PKP2: variants seen among roughly 807,000 people sequenced by gnomAD.
PKP2 encodes the protein plakophilin 2.
PKP2 carries 73 observed loss-of-function variants against 83.4 expected under a neutral mutation model. The ratio of observed to expected loss-of-function variants is 0.88; its 90% CI spans 0.72 to 1.06. PKP2 has a LOEUF of 1.06. Among genes scored for constraint, PKP2 ranks in the 50% least tolerant of loss-of-function variants. The pLI, the probability that PKP2 is intolerant of heterozygous loss-of-function variation, is 0.00. For synonymous variants in PKP2, 409 were observed against 430.4 expected (o/e 0.95, Z 0.62); for missense variants, 966 against 1,065.4 (o/e 0.91, Z 1.30).
chr12:32,841,502 C>T (rs911000023), intron 5 of PKP2, among the ~76,000 whole-genome samples: 2 of 152,160 alleles, frequency 1.3e-5, no homozygotes, highest in African/African-American at 4.8e-5. Context: ...GCTGTTTCTC[C>T]TAAAGGGCCC....
At chr12:32,802,260 CACA>C in intron 10 of PKP2, 140 bp downstream of exon 10, 1 of 823,700 alleles carries the variant, frequency 1.2e-6, no homozygotes, top group Non-Finnish European at 2.1e-6. Flanking sequence ...TATCTGGTGG[CACA>C]AAAGGCAGGC....
At chr12:32,814,058 C>A (rs1010646946) in intron 9 of PKP2, among the ~76,000 whole-genome samples, 1 of 152,164 alleles carries the variant, frequency 6.6e-6, no homozygotes, top group East Asian at 1.9e-4. Context: ...GGACACCACT[C>A]CTGTATCCTG....
chr12:32,837,151 T>C (rs1026032134), intron 6 of PKP2, among the ~76,000 whole-genome samples: 4 of 152,188 alleles, frequency 2.6e-5, no homozygotes, highest in African/African-American at 9.7e-5. Flanking sequence ...TGTCTGTAAA[T>C]TGGCAATATC....
At chr12:32,887,393 T>C (rs926078827) in intron 1 of PKP2, among the ~76,000 whole-genome samples, 5 of 152,186 alleles carry the variant, frequency 3.3e-5, no homozygotes, top group African/African-American at 7.2e-5. Context: ...TTTATGACAT[T>C]TGGGGGGCAA....
chr12:32,873,891 A>G (rs1030678901), intron 3 of PKP2, among the ~76,000 whole-genome samples: 1 of 152,198 alleles, frequency 6.6e-6, no homozygotes, highest in Non-Finnish European at 1.5e-5. Flanking sequence ...ACTCATTTGC[A>G]GAACCATCAG....
At chr12:32,805,862 G>A (rs1232962210) in intron 9 of PKP2, among the ~76,000 whole-genome samples, 1 of 152,276 alleles carries the variant, frequency 6.6e-6, no homozygotes, top group East Asian at 1.9e-4. Flanking sequence ...GTAGTCTAAC[G>A]GGGATAGCAT....
chr12:32,802,343 T>C, intron 10 of PKP2, 60 bp downstream of exon 10: 4 of 1,529,802 alleles, frequency 2.6e-6, no homozygotes, highest in Non-Finnish European at 2.7e-6. Context: ...ACAGACAACA[T>C]TTCATTGCAT....
At position 32,826,846 on chromosome 12, in the gene PKP2, T is replaced by C. The variant is rs1224155794; in HGVS notation, c.1557-2684A>G. On this transcript the variant is annotated intron_variant, in intron 6 of 12. Coordinates refer to ENST00000340811, the MANE Select transcript of PKP2 (RefSeq NM_001005242.3). ...AAAAACTAGAAGCCAAAAGTTTCCG[T>C]TACTTTTCCTGGTGACAGCAAATTA... is the stretch of plus-strand genomic sequence containing the variant. Among the ~76,000 whole-genome samples the C allele has an allele frequency of 2.6e-5, 4 of 152,340 alleles. No individual in the cohort carries two copies. In the East Asian group the frequency reaches 7.7e-4, roughly 29 times the overall value.
intron 1 of PKP2, among the ~76,000 whole-genome samples, chr12:32,880,553 T>C (rs1364104951): frequency 2.6e-5 from 4 of 152,138 alleles, no homozygotes; most frequent in Non-Finnish European, 5.9e-5. Flanking sequence ...TCCATCCAAA[T>C]GGCTGCTTTT....
chr12:32,877,661 GC>G (rs1415370760), intron 3 of PKP2, among the ~76,000 whole-genome samples, 184 bp downstream of exon 3: 1 of 152,204 alleles, frequency 6.6e-6, no homozygotes, highest in Non-Finnish European at 1.5e-5. Flanking sequence ...AGGTAGCTTG[GC>G]CCCTGTCCCT....
In PKP2 at chr12:32,845,967, T is replaced by C. The variant is rs928264620; in HGVS notation, c.1379-4762A>G. On this transcript the variant is annotated intron_variant, in intron 5 of 12. Coordinates refer to ENST00000340811, the MANE Select transcript of PKP2 (RefSeq NM_001005242.3). ...ATTACGAATGCGGAATAAAATAATA[T>C]ACAATTACTTAAAGAAAGTGCATAA... Among the ~76,000 whole-genome samples the C allele has an allele frequency of 2.0e-5, 3 of 152,192 alleles. No homozygotes were observed. In the South Asian group the frequency reaches 6.2e-4, roughly 32 times the overall value.
intron 4 of PKP2, among the ~76,000 whole-genome samples, chr12:32,854,457 T>C (rs771350435): frequency 6.6e-6 from 1 of 152,234 alleles, no homozygotes; most frequent in Non-Finnish European, 1.5e-5. Context: ...TAAATCCTGC[T>C]AAATGCAAAA....
intron 9 of PKP2, 25 bp downstream of exon 9, chr12:32,821,331 G>C: frequency 6.2e-7 from 1 of 1,600,520 alleles, no homozygotes; most frequent in Non-Finnish European, 8.6e-7. Context: ...ATTTTAAAAA[G>C]TAGGAAATCA....
chr12:32,844,410 A>G (rs1335121347), intron 5 of PKP2, among the ~76,000 whole-genome samples: 2 of 152,240 alleles, frequency 1.3e-5, no homozygotes, highest in African/African-American at 2.4e-5. Context: ...GCGAAACACC[A>G]GTAGAAAAAT....
At position 32,850,986 on chromosome 12, in the gene PKP2, C is replaced by T. The variant is rs200137461; in HGVS notation, c.1171-13G>A. 97 of 1,605,896 alleles carry T rather than the reference C, an allele frequency of 6.0e-5. No homozygotes were observed. Among genetic ancestry groups the T allele is most frequent in the Non-Finnish European group, 8.0e-5 (94 of 1,173,356 alleles). On this transcript the variant is annotated splice_polypyrimidine_tract_variant and intron_variant, in intron 4 of 12. Transcript: ENST00000340811. ...GAAGCTGGTTAACCTGGGGAAGAAGCAGATGCATATTTCTAATATTAATTT... is the reference window on the plus strand; with the variant it reads ...GAAGCTGGTTAACCTGGGGAAGAAGTAGATGCATATTTCTAATATTAATTT...
intron 4 of PKP2, among the ~76,000 whole-genome samples, chr12:32,858,722 T>G (rs547971989): frequency 4.0e-4 from 61 of 152,290 alleles, no homozygotes; most frequent in Non-Finnish European, 7.9e-4. Context: ...TAACAACAAA[T>G]TAATATGTGT....
chr12:32,879,090 C>T (rs1055420331), intron 1 of PKP2, 58 bp from the exon 2 acceptor site: 12 of 900,478 alleles, frequency 1.3e-5, no homozygotes, highest in Non-Finnish European at 2.2e-5. Flanking sequence ...TTAATATTTA[C>T]AGACTGTATA....
Position 32,850,927 on chromosome 12 carries a change from A to G in PKP2, c.1217T>C (p.Val406Ala). Residue 406 changes from valine (V) to alanine (A), a missense_variant, in exon 5 of 13, where the codon GTT becomes GCT. Val to Ala is a moderately conservative substitution (Grantham distance 64). Coordinates refer to ENST00000340811, the MANE Select transcript of PKP2 (RefSeq NM_001005242.3). The stretch of plus-strand genomic sequence containing the variant: ...AGCTCGCTGAACGTCTTCATTCTGA[A>G]CTTTTAGGAGCTGCAGAAGCTTGAG... Reference protein sequence around the residue: ...GILKLLQLLKVQNEDVQRAVC... With the variant: ...GILKLLQLLKAQNEDVQRAVC... The G allele has an allele frequency of 6.2e-7, 1 of 1,614,080 alleles. No homozygotes were observed. The highest frequency in any genetic ancestry group is 8.5e-7 in the Non-Finnish European group (1 of 1,179,996).
chr12:32,814,350 C>T (rs1409701199), intron 9 of PKP2, among the ~76,000 whole-genome samples: 1 of 152,186 alleles, frequency 6.6e-6, no homozygotes, highest in Admixed American at 6.5e-5. Context: ...TGACTTTCAT[C>T]TCTTCCATAC....
Sources: allele counts gnomAD v4.1 joint callset (sites outside exome capture counted in the v4.1 genomes callset), GRCh38; gene constraint gnomAD v4.1.1; transcripts MANE v1.5; gene names NCBI Gene and HGNC (gene_info 2026-07-23, HGNC 2026-07-21).